Variants in PLEKHH3 observed in about 807,000 individuals in gnomAD.
PLEKHH3 encodes pleckstrin homology domain-containing family H member 3.
In PLEKHH3, 57 loss-of-function variants were observed where a neutral mutation model predicts 77.8. The observed-to-expected ratio is 0.73, with a 90% CI of 0.59 to 0.91. The LOEUF (loss-of-function observed/expected upper bound fraction) is 0.91, where lower values mean the gene tolerates loss of function less well. Ranked by LOEUF, PLEKHH3 falls within the 40% of genes least tolerant of loss-of-function variation. The probability of loss-of-function intolerance (pLI) is 0.00; values close to 1 mark genes in which losing one functional copy is unlikely to be tolerated. For synonymous variants in PLEKHH3, 467 were observed against 504.8 expected, an observed-to-expected ratio of 0.93 and a Z score of 1.00; for missense variants, 1,082 against 1,091.2, an observed-to-expected ratio of 0.99 and a Z score of 0.12.
chr17:42,670,720 C>T lies in PLEKHH3; in HGVS notation c.1422-15G>A, dbSNP rs919882837. 6.2e-7 allele frequency: 1 copy of T among 1,606,372 alleles called. No individual in the cohort carries two copies. Among genetic ancestry groups the T allele is most frequent in the East Asian group, 2.2e-5 (1 of 44,474 alleles). Reference sequence around the variant, plus strand: ...CCGCGGCCAAGCTGCAGAAGAGGAGCGGACGAAGCGCTAGGGAGAAGCCGG... The same window carrying T: ...CCGCGGCCAAGCTGCAGAAGAGGAGTGGACGAAGCGCTAGGGAGAAGCCGG... On this transcript the variant is annotated splice_polypyrimidine_tract_variant and intron_variant, in intron 9 of 12. Coordinates refer to ENST00000591022, the MANE Select transcript of PLEKHH3 (RefSeq NM_024927.5).
Position 42,670,671 on chromosome 17 carries a change from G to A in PLEKHH3, c.1456C>T (p.Pro486Ser), listed in dbSNP as rs776857817. ...AGACATAGTCTCCACCCGGAGTCGG[G>A]CGAGTCCTCCAACCCAGCTTCCTCC... ...AAEEAGLEDS[P>S]DSGWRLCLRL... Residue 486 changes from proline to serine, a missense_variant, in exon 10 of 13, where the codon CCC becomes TCC. Physicochemically the swap from Pro to Ser is moderately conservative, Grantham distance 74. This residue lies in a region of PLEKHH3 where 733 missense variants were observed against 750.0 expected (regional missense o/e 0.98). Coordinates refer to ENST00000591022, the MANE Select transcript of PLEKHH3 (RefSeq NM_024927.5). 1.5e-5 allele frequency: 25 copies of A among 1,612,996 alleles called. No individual in the cohort carries two copies. The African/African-American group carries it at 2.9e-4, about 19-fold the overall frequency.
intron 12 of PLEKHH3, 107 bp from the exon 13 acceptor site, chr17:42,668,410 G>T: frequency 1.0e-6 from 1 of 988,946 alleles, no homozygotes; most frequent in Non-Finnish European, 1.4e-6. Context: ...AGGGTCCTAC[G>T]TGCTCTGGCC....
Position 42,671,946 on chromosome 17 carries a change from TAGGATCTTGTATCTCCCACAA to T in PLEKHH3, c.1076+119_1076+139del. 1.4e-6 allele frequency: 1 copy of T among 733,922 alleles called. No individual in the cohort carries two copies. The highest frequency in any genetic ancestry group is 2.1e-6 in the Non-Finnish European group (1 of 468,812). The allele number at this position is 733,922 out of a possible 1,614,324, so 45.5% of individuals were successfully genotyped here. ...GTAATTCATCCGCTCACAACTGCGA[TAGGATCTTGTATCTCCCACAA>T]AGGCACTGTATGTATTACTCGGTTC... On this transcript the variant is annotated intron_variant, in intron 7 of 12. Coordinates refer to ENST00000591022, the MANE Select transcript of PLEKHH3 (RefSeq NM_024927.5). The surrounding 1 kb of genome is among the most constrained non-coding windows in gnomAD (Gnocchi z 4.7).
chr17:42,676,444 T>TTCCTCG lies in PLEKHH3; in HGVS notation c.114_119dup (p.Asp38_Glu39dup), dbSNP rs763261932. On this transcript the variant is annotated inframe_insertion, in exon 1 of 13. Coordinates refer to ENST00000591022, the MANE Select transcript of PLEKHH3 (RefSeq NM_024927.5). This position sits in a 1 kb window ranked among gnomAD's most constrained non-coding sequence, Gnocchi z 6.6. ...GACTCGGGGTCCGCAGCTCAAAGGTTTCCTCGTCCTCGTCCTCGTCCCCGT... is the reference window on the plus strand; with the variant it reads ...GACTCGGGGTCCGCAGCTCAAAGGTTTCCTCGTCCTCGTCCTCGTCCTCGTCCCCGT... The TTCCTCG allele has an allele frequency of 1.7e-5, 27 of 1,613,054 alleles. No individual in the cohort carries two copies. The African/African-American group carries it at 2.9e-4, about 18-fold the overall frequency.
At chr17:42,674,284 G>A in intron 2 of PLEKHH3, 70 bp downstream of exon 2, 1 of 1,480,610 alleles carries the variant, frequency 6.8e-7, no homozygotes, top group Non-Finnish European at 9.1e-7. Flanking sequence ...CGCTAGGGGA[G>A]ACAGAGAGGA....
chr17:42,669,845 T>C (rs1166020225), intron 11 of PLEKHH3, 73 bp downstream of exon 11: 2 of 1,582,714 alleles, frequency 1.3e-6, no homozygotes, highest in Non-Finnish European at 1.7e-6. Context: ...TGACACTCCG[T>C]GGGACCTGTG....
intron 1 of PLEKHH3, among the ~76,000 whole-genome samples, chr17:42,675,708 G>A (rs150599830): frequency 2.6e-5 from 4 of 152,212 alleles, no homozygotes; most frequent in Admixed American, 6.5e-5. Context: ...GGGAGGAGAC[G>A]TCAAGGGATG....
In PLEKHH3 at chr17:42,670,979, G is replaced by A; in HGVS notation, c.1421+15C>T. 1 of 1,607,270 alleles carries A rather than the reference G, an allele frequency of 6.2e-7. No individual in the cohort carries two copies. Among genetic ancestry groups the A allele is most frequent in the Non-Finnish European group, 8.5e-7 (1 of 1,178,186 alleles). On this transcript the variant is annotated intron_variant, in intron 9 of 12. Transcript: ENST00000591022. ...GATGGGCTAATAGAGAGCAGGGCTG[G>A]GGCTGGACATTTACTTCTCAAACCT... is the stretch of plus-strand genomic sequence containing the variant.
chr17:42,676,654 G>A lies in PLEKHH3; in HGVS notation c.-91C>T. On this transcript the variant is annotated 5_prime_UTR_variant, in exon 1 of 13. Transcript: ENST00000591022. This position sits in a 1 kb window ranked among gnomAD's most constrained non-coding sequence, Gnocchi z 6.6. ...TGGCGGGGCTCCGACCCGAGCAGGG[G>A]AAAGATGAGGTGGGAGGAGCAGAAG... The A allele has an allele frequency of 3.2e-6, 4 of 1,265,038 alleles. No individual in the cohort carries two copies. The highest frequency in any genetic ancestry group is 4.4e-6 in the Non-Finnish European group (4 of 902,194). 78.4% of individuals were successfully genotyped at this position (1,265,038 alleles called of 1,614,324 possible).
chr17:42,673,543 C>A lies in PLEKHH3; in HGVS notation c.504G>T (p.Val168=). 1.3e-6 allele frequency: 2 copies of A among 1,593,744 alleles called. No homozygotes were observed. Among genetic ancestry groups the A allele is most frequent in the South Asian group, 1.1e-5 (1 of 87,718 alleles). Residue 168 remains valine (V), a synonymous_variant, in exon 5 of 13, where the codon GTG becomes GTT. Transcript: ENST00000591022. ...RRRKETGLWS[V]TVSGRKHSVR... ...CACTGTGTTTCCGACCAGACACAGTCACTGACCACAGACCTGGGGAAAAGA... is the reference window on the plus strand; with the variant it reads ...CACTGTGTTTCCGACCAGACACAGTAACTGACCACAGACCTGGGGAAAAGA...
chr17:42,669,874 G>C, intron 11 of PLEKHH3, 44 bp downstream of exon 11: 2 of 1,605,550 alleles, frequency 1.2e-6, no homozygotes, highest in Non-Finnish European at 1.7e-6. Context: ...GCAAAGGTGT[G>C]GGGCTTGGGC....
In PLEKHH3 at chr17:42,671,458, C is replaced by T. The variant is rs1415165706; in HGVS notation, c.1177G>A (p.Ala393Thr). 5.0e-6 allele frequency: 8 copies of T among 1,613,152 alleles called. No homozygotes were observed. Among genetic ancestry groups the T allele is most frequent in the Non-Finnish European group, 6.8e-6 (8 of 1,180,014 alleles). The change falls in exon 8 of 13, where the codon GCG (alanine) becomes ACG (threonine). Residue 393 changes from alanine (A) to threonine (T), a missense_variant. This residue lies in a region of PLEKHH3 where 733 missense variants were observed against 750.0 expected (regional missense o/e 0.98). Coordinates refer to ENST00000591022, the MANE Select transcript of PLEKHH3 (RefSeq NM_024927.5). This position sits in a 1 kb window ranked among gnomAD's most constrained non-coding sequence, Gnocchi z 4.7. ...TRGRELVPSLAEISALSQRQE... is the reference protein window; with the variant it reads ...TRGRELVPSLTEISALSQRQE... ...CGTTGGCTCAACGCGGAAATCTCCG[C>T]CAGCGAGGGCACCAGCTCTCTGCCG...
chr17:42,670,981 G>T lies in PLEKHH3; in HGVS notation c.1421+13C>A. ...TGGGCTAATAGAGAGCAGGGCTGGG[G>T]CTGGACATTTACTTCTCAAACCTGG... On this transcript the variant is annotated intron_variant, in intron 9 of 12. Coordinates refer to ENST00000591022, the MANE Select transcript of PLEKHH3 (RefSeq NM_024927.5). The T allele has an allele frequency of 6.2e-7, 1 of 1,608,602 alleles. No individual in the cohort carries two copies.
chr17:42,673,152 G>C, intron 6 of PLEKHH3, 24 bp downstream of exon 6: 3 of 1,503,320 alleles, frequency 2.0e-6, no homozygotes, highest in Non-Finnish European at 1.8e-6. Context: ...CCATCCAGGG[G>C]ACTTGGGCCA....
At chr17:42,668,493 T>C in intron 12 of PLEKHH3, 190 bp from the exon 13 acceptor site, 1 of 451,214 alleles carries the variant, frequency 2.2e-6, no homozygotes, top group Non-Finnish European at 3.7e-6. Flanking sequence ...AGTCTCGCTG[T>C]GTCCCCCAGG....
Position 42,673,705 on chromosome 17 carries a change from C to T in PLEKHH3, c.428G>A (p.Gly143Glu), listed in dbSNP as rs773182756. ...GCACAGGCTGGTGAGCACGAGGCTC[C>T]CGAGACGCCGCGCCCCTTTCCCGCT... is the stretch of plus-strand genomic sequence containing the variant. ...SSSGKGARRL[G>E]SLVLTSLCSV... The change falls in exon 4 of 13, where the codon GGG becomes GAG. Residue 143 changes from glycine to glutamate, a missense_variant. By Grantham distance (98) the Gly-to-Glu change is moderately conservative. This residue lies in a region of PLEKHH3 where 344 missense variants were observed against 320.8 expected (regional missense o/e 1.07). Coordinates refer to ENST00000591022, the MANE Select transcript of PLEKHH3 (RefSeq NM_024927.5). 1 of 1,601,574 alleles carries T rather than the reference C, an allele frequency of 6.2e-7. No homozygotes were observed. Among genetic ancestry groups the T allele is most frequent in the East Asian group, 2.2e-5 (1 of 44,858 alleles).
Position 42,670,565 on chromosome 17 carries a change from A to G in PLEKHH3, c.1554+8T>C, listed in dbSNP as rs762413130. ...CTGTTTGGAGGCGTGAACGCCGGAG[A>G]GCCTCACCTGCTCAAAGAGGAAAGG... On this transcript the variant is annotated splice_region_variant and intron_variant, in intron 10 of 12. Transcript: ENST00000591022. 11 of 1,602,920 alleles carry G rather than the reference A, an allele frequency of 6.9e-6. No homozygotes were observed. The highest frequency in any genetic ancestry group is 1.7e-4 in the Middle Eastern group (1 of 6,056).
rs1292943813 is a variant in PLEKHH3 at position 42,673,461 on chromosome 17, C to T, written c.586G>A (p.Glu196Lys). The change falls in exon 5 of 13, where the codon GAA (glutamate) becomes AAA (lysine). Residue 196 changes from glutamate (E) to lysine (K), a missense_variant. Glu to Lys is a moderately conservative substitution (Grantham distance 56). Transcript: ENST00000591022. Reference sequence around the variant, plus strand: ...AGGGGTGCCTTGGAGGCGATCACTTCCCGCAATGCCACCCCCCAGCGCTCA... The same window carrying T: ...AGGGGTGCCTTGGAGGCGATCACTTTCCGCAATGCCACCCCCCAGCGCTCA... The part of the protein sequence containing the change: ...EAERWGVALR[E>K]VIASKAPLET... 2 of 1,612,920 alleles carry T rather than the reference C, an allele frequency of 1.2e-6. No individual in the cohort carries two copies. Among genetic ancestry groups the T allele is most frequent in the East Asian group, 2.2e-5 (1 of 44,872 alleles).
In PLEKHH3 at chr17:42,671,409, T is replaced by C; in HGVS notation, c.1226A>G (p.His409Arg). Residue 409 changes from histidine to arginine, a missense_variant, in exon 8 of 13, where the codon CAC (histidine) becomes CGC (arginine). His to Arg is a conservative substitution (Grantham distance 29, BLOSUM62 0). Coordinates refer to ENST00000591022, the MANE Select transcript of PLEKHH3 (RefSeq NM_024927.5). This position sits in a 1 kb window ranked among gnomAD's most constrained non-coding sequence, Gnocchi z 4.7. ...AGCACAGGCACCAGCCCCCGGACAG[T>C]GCACGGTACACAGCAGCTCCTGCCG... ...SQRQELLCTV[H>R]CPGAGACAVA... 1 of 1,613,104 alleles carries C rather than the reference T, an allele frequency of 6.2e-7. No homozygotes were observed. Among genetic ancestry groups the C allele is most frequent in the South Asian group, 1.1e-5 (1 of 91,082 alleles).
Sources: gnomAD v4.1 joint callset for allele counts (sites outside exome capture counted in the v4.1 genomes callset) on GRCh38, gnomAD v4.1.1 for gene constraint, gnomAD v4.1.1 regional missense constraint, Gnocchi (gnomAD v3.1) non-coding constraint, MANE v1.5 for transcripts, NCBI Gene and HGNC (gene_info 2026-07-23, HGNC 2026-07-21) for gene names.